PRKCZ: variants seen among roughly 807,000 people sequenced by gnomAD.
PRKCZ encodes the protein protein kinase C zeta.
PRKCZ carries 33 observed loss-of-function variants against 79.5 expected under a neutral mutation model. That is an observed-to-expected ratio of 0.41 (90% CI 0.31 to 0.55). The LOEUF (loss-of-function observed/expected upper bound fraction) is 0.55. Ranked by LOEUF, PRKCZ falls within the 20% of genes least tolerant of loss-of-function variation. The pLI, the probability that PRKCZ is intolerant of heterozygous loss-of-function variation, is 0.19. For missense variants in PRKCZ, 578 were observed against 813.5 expected (o/e 0.71, Z 3.52); for synonymous variants, 342 against 320.9 (o/e 1.07, Z -0.70).
intron 4 of PRKCZ, among the ~76,000 whole-genome samples, chr1:2,102,182 G>C (rs1295703623): frequency 6.6e-6 from 1 of 151,906 alleles, no homozygotes; most frequent in Non-Finnish European, 1.5e-5. Flanking sequence ...GTGCCTGCCT[G>C]GCCCTGCCCC....
intron 4 of PRKCZ, among the ~76,000 whole-genome samples, chr1:2,064,862 A>G (rs1354413080): frequency 6.6e-6 from 1 of 152,232 alleles, no homozygotes; most frequent in Non-Finnish European, 1.5e-5. Context: ...GAATTTTAGG[A>G]CAGGCTTTTC....
chr1:2,155,445 ATGATGG>A (rs1315490479), intron 9 of PRKCZ, among the ~76,000 whole-genome samples: 6 of 88,548 alleles, frequency 6.8e-5, no homozygotes, highest in Non-Finnish European at 1.4e-4. Flanking sequence ...TGTGATGGTG[ATGATGG>A]TGGTGGTGAT....
chr1:2,137,726 A>G (rs1379623791), intron 5 of PRKCZ, among the ~76,000 whole-genome samples: 6 of 152,200 alleles, frequency 3.9e-5, no homozygotes, highest in Admixed American at 3.9e-4. Flanking sequence ...AGAAAAGTCC[A>G]TTCTGCCGAT....
intron 4 of PRKCZ, among the ~76,000 whole-genome samples, chr1:2,078,919 T>A (rs1318791470): frequency 6.6e-6 from 1 of 150,498 alleles, no homozygotes; most frequent in South Asian, 2.2e-4. Context: ...TTCGGCTCAC[T>A]GCAACCTCCA....
chr1:2,124,920 G>T (rs1434803186), intron 4 of PRKCZ, among the ~76,000 whole-genome samples: 1 of 152,174 alleles, frequency 6.6e-6, no homozygotes, highest in Non-Finnish European at 1.5e-5. Flanking sequence ...TGGGAGGAGG[G>T]TTAGACTCCT....
intron 4 of PRKCZ, among the ~76,000 whole-genome samples, chr1:2,078,715 TC>T (rs1265530285): frequency 6.6e-6 from 1 of 152,158 alleles, no homozygotes; most frequent in Non-Finnish European, 1.5e-5. Context: ...TTCTCTATTT[TC>T]CATTTCTTTG....
intron 9 of PRKCZ, among the ~76,000 whole-genome samples, 157 bp downstream of exon 9, chr1:2,151,135 A>G (rs910228247): frequency 6.6e-6 from 1 of 152,234 alleles, no homozygotes. Flanking sequence ...AATGACCAGG[A>G]TGTGTTCTGG....
chr1:2,116,820 C>G (rs1670849332), intron 4 of PRKCZ, among the ~76,000 whole-genome samples: 2 of 152,166 alleles, frequency 1.3e-5, no homozygotes, highest in South Asian at 4.1e-4. Flanking sequence ...GGCTTATTTG[C>G]TTTCAAAATC....
chr1:2,136,502 T>C (rs957499923), intron 5 of PRKCZ, among the ~76,000 whole-genome samples: 2 of 152,072 alleles, frequency 1.3e-5, no homozygotes, highest in African/African-American at 2.4e-5. Flanking sequence ...GCAGAGGAGA[T>C]GCCAGGAGCA....
rs371058786 is a variant in PRKCZ, at chr1:2,185,300, A to G, written c.*291A>G. On this transcript the variant is annotated 3_prime_UTR_variant, in exon 18 of 18. Coordinates refer to ENST00000378567, the MANE Select transcript of PRKCZ (RefSeq NM_002744.6). ...CTGTCATGCGGTTTCCAAGGTGCAC[A>G]TTTTCCACGGAAACAGAACTCGATG... 1.7e-4 allele frequency: 123 copies of G among 718,478 alleles called. 1 individual carries two copies. In the East Asian group the frequency reaches 2.8e-3, roughly 16 times the overall value. The allele number at this position is 718,478 out of a possible 1,614,324, so 44.5% of individuals were successfully genotyped here. A position where few individuals can be genotyped will look rare whatever the true frequency, so the allele number is the denominator to read the frequency against.
intron 5 of PRKCZ, chr1:2,142,616 G>C (rs540043007): frequency 1.9e-4 from 43 of 224,426 alleles, no homozygotes; most frequent in Non-Finnish European, 3.7e-4. Flanking sequence ...CACGGTCCTG[G>C]TGTGGCTCTG....
intron 4 of PRKCZ, among the ~76,000 whole-genome samples, chr1:2,115,679 G>T (rs1440312433): frequency 2.0e-5 from 3 of 152,186 alleles, no homozygotes; most frequent in Admixed American, 2.0e-4. Context: ...CCTTCCTGAG[G>T]CTCGGGTGGG....
At chr1:2,126,694 T>C (rs1022909789) in intron 4 of PRKCZ, among the ~76,000 whole-genome samples, 1 of 152,156 alleles carries the variant, frequency 6.6e-6, no homozygotes, top group African/African-American at 2.4e-5. Context: ...GGAATGGCAT[T>C]GCGCAGCTCC....
intron 9 of PRKCZ, among the ~76,000 whole-genome samples, chr1:2,153,073 G>A (rs950051158): frequency 3.9e-5 from 6 of 152,306 alleles, no homozygotes; most frequent in African/African-American, 7.2e-5. Context: ...TGCTTCCCAC[G>A]CAGCCGCGCC....
rs992497004 is a variant in PRKCZ at position 2,055,605 on chromosome 1, G to T, written c.193+43G>T. ...TTGGCCAGAATCCTCAGCCTCAGGG[G>T]ACTTCGCCAGGGCAGCCTCTGTGTG... On this transcript the variant is annotated intron_variant, in intron 2 of 17. Transcript: ENST00000378567. 2.5e-6 allele frequency: 4 copies of T among 1,589,470 alleles called. No homozygotes were observed. In the African/African-American group the frequency reaches 5.4e-5, roughly 21 times the overall value.
rs538282575 is a variant in PRKCZ, at chr1:2,064,678, G to C, written c.334+5087G>C. Among the ~76,000 whole-genome samples, 5 of 152,242 alleles carry C rather than the reference G, an allele frequency of 3.3e-5. No individual in the cohort carries two copies. In the South Asian group the frequency reaches 1.0e-3, roughly 32 times the overall value. Reference sequence around the variant, plus strand: ...AAAATCGTTTCACCATATATGGGAGGGTTCATTTGTGGAGTCTCTTCTAGT... The same window carrying C: ...AAAATCGTTTCACCATATATGGGAGCGTTCATTTGTGGAGTCTCTTCTAGT... On this transcript the variant is annotated intron_variant, in intron 4 of 17. Coordinates refer to ENST00000378567, the MANE Select transcript of PRKCZ (RefSeq NM_002744.6).
intron 9 of PRKCZ, among the ~76,000 whole-genome samples, chr1:2,155,771 G>A (rs944673204): frequency 6.6e-6 from 1 of 151,750 alleles, no homozygotes; most frequent in Non-Finnish European, 1.5e-5. Context: ...TGTGACGGTG[G>A]TGATGATGAC....
At chr1:2,118,806 T>G (rs1369721103) in intron 4 of PRKCZ, among the ~76,000 whole-genome samples, 1 of 151,344 alleles carries the variant, frequency 6.6e-6, no homozygotes, top group Non-Finnish European at 1.5e-5. Flanking sequence ...CTCTATTTTT[T>G]CATCCTTTCA....
At chr1:2,134,722 G>A (rs571534505) in intron 4 of PRKCZ, 5 of 152,404 alleles carry the variant, frequency 3.3e-5, no homozygotes, top group East Asian at 1.9e-4. Context: ...CGCCGCTTGC[G>A]TCTGGCGAGT....
Sources: allele counts gnomAD v4.1 joint callset (sites outside exome capture counted in the v4.1 genomes callset), GRCh38; gene constraint gnomAD v4.1.1; transcripts MANE v1.5; gene names NCBI Gene and HGNC (gene_info 2026-07-23, HGNC 2026-07-21).